BLM: variants seen among roughly 807,000 people sequenced by gnomAD.
BLM encodes BLM RecQ like helicase.
BLM carries 95 observed loss-of-function variants against 135.3 expected under a neutral mutation model. That is an observed-to-expected ratio of 0.70 (90% confidence interval 0.59 to 0.83). BLM has a LOEUF of 0.83. Among genes scored for constraint, BLM ranks in the 40% least tolerant of loss-of-function variants. BLM has a pLI of 0.00. For synonymous variants in BLM, 520 were observed against 589.2 expected (o/e 0.88, Z 1.70); for missense variants, 1,518 against 1,663.9 (o/e 0.91, Z 1.53).
At chr15:90,797,846 C>G (rs1390577347) in intron 16 of BLM, among the ~76,000 whole-genome samples, 1 of 152,144 alleles carries the variant, frequency 6.6e-6, no homozygotes. Context: ...CGTGGCACCC[C>G]ACAGGTTCCC....
chr15:90,740,884 C>G (rs988204997), intron 1 of BLM, among the ~76,000 whole-genome samples: 2 of 152,170 alleles, frequency 1.3e-5, no homozygotes, highest in African/African-American at 4.8e-5. Flanking sequence ...TGAGGCCTCC[C>G]CAGCCATGTG....
rs114936427 is a variant in BLM, at chr15:90,776,759, C to T, written c.2556-6063C>T. 7.9e-3 allele frequency among the ~76,000 whole-genome samples: 1,199 copies of T among 152,040 alleles called. 18 individuals carry two copies. Among genetic ancestry groups the T allele is most frequent in the African/African-American group, 0.028 (1,146 of 41,488 alleles). ...TTCACCATGTTGCCCAGACTGGTCTCGAACTCCTGAGCTCAAAGGATCTGC... is the reference window on the plus strand; with the variant it reads ...TTCACCATGTTGCCCAGACTGGTCTTGAACTCCTGAGCTCAAAGGATCTGC... On this transcript the variant is annotated intron_variant, in intron 12 of 21. Transcript: ENST00000355112.
intron 14 of BLM, among the ~76,000 whole-genome samples, chr15:90,787,328 C>G (rs1478167078): frequency 2.0e-5 from 3 of 151,990 alleles, no homozygotes; most frequent in Non-Finnish European, 2.9e-5. Context: ...GCTGGGATTA[C>G]AGGCGTGAGC....
intron 13 of BLM, among the ~76,000 whole-genome samples, chr15:90,784,601 G>T (rs753778244): frequency 2.0e-5 from 3 of 151,624 alleles, no homozygotes; most frequent in Non-Finnish European, 4.4e-5. Flanking sequence ...CTCCCAAAGT[G>T]CTGGGATTAC....
intron 7 of BLM, among the ~76,000 whole-genome samples, chr15:90,762,054 A>G (rs536815805): frequency 6.6e-6 from 1 of 152,088 alleles, no homozygotes; most frequent in East Asian, 1.9e-4. Context: ...TCTTACAGTT[A>G]CGCTGCTGAC....
intron 1 of BLM, among the ~76,000 whole-genome samples, chr15:90,727,078 C>T (rs1263962911): frequency 6.6e-6 from 1 of 152,236 alleles, no homozygotes; most frequent in African/African-American, 2.4e-5. Flanking sequence ...TCTCTTTTCT[C>T]TGCATCCTCA....
chr15:90,766,765 A>G, intron 9 of BLM, 145 bp from the exon 10 acceptor site: 1 of 608,012 alleles, frequency 1.6e-6, no homozygotes, highest in Non-Finnish European at 2.9e-6. Flanking sequence ...AAATGTATGT[A>G]CTTACATACT....
intron 3 of BLM, among the ~76,000 whole-genome samples, chr15:90,751,337 A>G (rs181514347): frequency 1.3e-5 from 2 of 152,318 alleles, no homozygotes; most frequent in East Asian, 3.8e-4. Context: ...GACAGCAACA[A>G]TTTGGGTTGT....
At chr15:90,754,743 T>A in intron 4 of BLM, 68 bp from the exon 5 acceptor site, 1 of 1,512,176 alleles carries the variant, frequency 6.6e-7, no homozygotes, top group South Asian at 1.2e-5. Flanking sequence ...ATATTAAGGG[T>A]TTCAAAATTA....
rs35712829 is a variant in BLM at position 90,770,167 on chromosome 15, T to TCC, written c.2555+590_2555+591dup. Among the ~76,000 whole-genome samples the TCC allele has an allele frequency of 8.2e-3, 984 of 120,468 alleles. 26 individuals are homozygous for TCC. The highest frequency in any genetic ancestry group is 0.029 in the African/African-American group (882 of 29,998). The allele number at this position is 120,468 out of a possible 152,430, so 79.0% of individuals were successfully genotyped here. On this transcript the variant is annotated intron_variant, in intron 12 of 21. Transcript: ENST00000355112. ...GTAACAAAATCTACTATAAAAGAAA[T>TCC]CCCCCCCCCCTTTTTTTTTTTTTTG...
intron 6 of BLM, 136 bp downstream of exon 6, chr15:90,760,415 T>C (rs1895941606): frequency 1.5e-6 from 2 of 1,348,584 alleles, no homozygotes; most frequent in African/African-American, 2.9e-5. Context: ...ACTATGTTTT[T>C]GATTTGTTTA....
At chr15:90,799,489 G>A (rs922258051) in intron 17 of BLM, among the ~76,000 whole-genome samples, 2 of 151,674 alleles carry the variant, frequency 1.3e-5, no homozygotes, top group Non-Finnish European at 2.9e-5. Context: ...ATCCTCAGTA[G>A]ATGTAAAATC....
At chr15:90,800,126 C>G (rs975547376) in intron 17 of BLM, among the ~76,000 whole-genome samples, 41 of 152,154 alleles carry the variant, frequency 2.7e-4, no homozygotes, top group African/African-American at 9.4e-4. Flanking sequence ...ATTTCAGATG[C>G]CTTCTGCTCA....
At chr15:90,759,093 G>A (rs1212152452) in intron 5 of BLM, among the ~76,000 whole-genome samples, 1 of 152,104 alleles carries the variant, frequency 6.6e-6, no homozygotes, top group African/African-American at 2.4e-5. Flanking sequence ...CTTACCCCAA[G>A]AAATATTATT....
At chr15:90,754,999 A>T in intron 5 of BLM, 61 bp downstream of exon 5, 1 of 1,590,066 alleles carries the variant, frequency 6.3e-7, no homozygotes, top group Non-Finnish European at 8.6e-7. Flanking sequence ...AAACAACGTA[A>T]CACAAAGATT....
At chr15:90,734,702 G>GC (rs1596204595) in intron 1 of BLM, among the ~76,000 whole-genome samples, 3 of 63,826 alleles carry the variant, frequency 4.7e-5, no homozygotes, top group African/African-American at 2.5e-4. Flanking sequence ...CACGCAGAGA[G>GC]AGAGAGAGAG....
In BLM at chr15:90,798,218, A is replaced by T. The variant is rs775383361; in HGVS notation, c.3239A>T (p.Asp1080Val). The change falls in exon 17 of 22, where the codon GAT (aspartate) becomes GTT (valine). Residue 1080 changes from aspartate (D) to valine (V), a missense_variant. Around this residue, in one of 5 missense-constraint regions of BLM, gnomAD observed 626 missense variants for 681.1 expected, o/e 0.92. Transcript: ENST00000355112. ...KDYKTRDVTD[D>V]VKSIVRFVQE... ...TATAAAACAAGAGATGTGACTGACG[A>T]TGTGAAAAGTATTGTAAGATTTGTT... 1.2e-5 allele frequency: 19 copies of T among 1,609,098 alleles called. No homozygotes were observed. Among genetic ancestry groups the T allele is most frequent in the Non-Finnish European group, 1.5e-5 (18 of 1,175,998 alleles).
At chr15:90,788,964 C>T (rs1011774820) in intron 14 of BLM, among the ~76,000 whole-genome samples, 4 of 128,002 alleles carry the variant, frequency 3.1e-5, no homozygotes, top group Non-Finnish European at 6.5e-5. Flanking sequence ...CAGACCGAGA[C>T]TGTCTCAAAA....
chr15:90,802,866 G>A (rs962586287), intron 17 of BLM, among the ~76,000 whole-genome samples: 1 of 152,008 alleles, frequency 6.6e-6, no homozygotes, highest in African/African-American at 2.4e-5. Context: ...GGAATGGATG[G>A]CCCATTCTCC....
Sources: gnomAD v4.1 joint callset for allele counts (sites outside exome capture counted in the v4.1 genomes callset) on GRCh38, gnomAD v4.1.1 for gene constraint, gnomAD v4.1.1 regional missense constraint, MANE v1.5 for transcripts, NCBI Gene and HGNC (gene_info 2026-07-23, HGNC 2026-07-21) for gene names.